AUH: variants seen among roughly 807,000 people sequenced by gnomAD.
AUH encodes the protein AU RNA binding methylglutaconyl-CoA hydratase.
AUH carries 29 observed loss-of-function variants against 42.3 expected under a neutral mutation model. The observed-to-expected ratio is 0.69, with a 90% confidence interval of 0.51 to 0.93. AUH has a LOEUF of 0.93. AUH is among the 40% of genes least tolerant of loss of function. The pLI, the probability that AUH is intolerant of heterozygous loss-of-function variation, is 0.00. For synonymous variants in AUH, 174 were observed against 166.4 expected, an observed-to-expected ratio of 1.05 and a Z score of -0.35; for missense variants, 452 against 438.1, an observed-to-expected ratio of 1.03 and a Z score of -0.28.
intron 8 of AUH, among the ~76,000 whole-genome samples, chr9:91,217,017 C>T (rs1466765368): frequency 6.6e-6 from 1 of 152,152 alleles, no homozygotes; most frequent in East Asian, 1.9e-4. Context: ...AACTGGATGG[C>T]AAGAATAATG....
intron 4 of AUH, among the ~76,000 whole-genome samples, chr9:91,317,469 G>C (rs1403288136): frequency 1.3e-5 from 2 of 152,122 alleles, no homozygotes; most frequent in East Asian, 3.8e-4. Context: ...TCTTTTGTCT[G>C]TTGTTGGTAT....
rs181271666 is a variant in AUH at position 91,231,093 on chromosome 9, C to T, written c.656-10101G>A. ...TGGGCTCTACCCAGTTCAAGCTTCC[C>T]GGCTGCTTTGTTTACCTAAGCAAGC... On this transcript the variant is annotated intron_variant, in intron 6 of 9. Coordinates refer to ENST00000375731, the MANE Select transcript of AUH (RefSeq NM_001698.3). Among the ~76,000 whole-genome samples the T allele has an allele frequency of 7.2e-3, 1,092 of 152,306 alleles. 45 individuals carry two copies. Among genetic ancestry groups the T allele is most frequent in the Admixed American group, 0.067 (1,018 of 15,294 alleles).
chr9:91,262,034 G>GA (rs60686656), intron 6 of AUH, among the ~76,000 whole-genome samples: 82 of 152,028 alleles, frequency 5.4e-4, no homozygotes, highest in African/African-American at 1.8e-3. Flanking sequence ...AAACCAATGG[G>GA]AAAAAAAGAT....
chr9:91,234,906 C>A (rs1828091631), intron 6 of AUH, among the ~76,000 whole-genome samples: 1 of 149,434 alleles, frequency 6.7e-6, no homozygotes, highest in South Asian at 2.2e-4. Flanking sequence ...AAAGGTGAGG[C>A]CAATGTCTGA....
At chr9:91,358,645 G>A (rs1350350609) in intron 1 of AUH, among the ~76,000 whole-genome samples, 1 of 152,166 alleles carries the variant, frequency 6.6e-6, no homozygotes, top group Non-Finnish European at 1.5e-5. Flanking sequence ...CATGCAGTAA[G>A]TATTAAAAGT....
At chr9:91,336,030 C>T (rs1198538147) in intron 3 of AUH, among the ~76,000 whole-genome samples, 1 of 152,110 alleles carries the variant, frequency 6.6e-6, no homozygotes, top group East Asian at 1.9e-4. Flanking sequence ...GGAAAAGTAA[C>T]CAACACTCTA....
intron 6 of AUH, among the ~76,000 whole-genome samples, chr9:91,258,656 A>G (rs1316095426): frequency 6.6e-6 from 1 of 152,240 alleles, no homozygotes; most frequent in Non-Finnish European, 1.5e-5. Flanking sequence ...AGAAAAGCAT[A>G]TAGTTTTTCA....
chr9:91,250,734 A>C (rs186744557), intron 6 of AUH, among the ~76,000 whole-genome samples: 140 of 152,330 alleles, frequency 9.2e-4, no homozygotes, highest in African/African-American at 3.1e-3. Context: ...CAGTAAACAG[A>C]AACTTCTAGT....
chr9:91,269,358 CACTT>C (rs758875217), intron 6 of AUH, among the ~76,000 whole-genome samples: 4 of 152,218 alleles, frequency 2.6e-5, no homozygotes, highest in African/African-American at 7.2e-5. Flanking sequence ...TTCACAGAAA[CACTT>C]ACGTGTCTGG....
chr9:91,268,448 A>G (rs1824827069), intron 6 of AUH, among the ~76,000 whole-genome samples: 1 of 151,660 alleles, frequency 6.6e-6, no homozygotes, highest in Admixed American at 6.6e-5. Context: ...TTTTTTTTTA[A>G]GAGACGGAGT....
intron 1 of AUH, among the ~76,000 whole-genome samples, chr9:91,358,675 G>A (rs1224665542): frequency 6.6e-6 from 1 of 152,178 alleles, no homozygotes; most frequent in Non-Finnish European, 1.5e-5. Context: ...ATTTCTGCTA[G>A]ATATGATAAT....
intron 4 of AUH, among the ~76,000 whole-genome samples, chr9:91,308,791 C>CT (rs201772761): frequency 0.069 from 9,437 of 136,358 alleles, 703 homozygotes; most frequent in African/African-American, 0.19. Flanking sequence ...TTAAGCAATT[C>CT]TTTTTTTTTT....
chr9:91,243,538 G>A (rs1333328289), intron 6 of AUH, among the ~76,000 whole-genome samples: 2 of 152,168 alleles, frequency 1.3e-5, no homozygotes. Context: ...CTTCCTCCTC[G>A]CTTTCTATTC....
chr9:91,219,519 CTTTT>C (rs1196998371), intron 7 of AUH, among the ~76,000 whole-genome samples: 1 of 152,176 alleles, frequency 6.6e-6, no homozygotes, highest in Non-Finnish European at 1.5e-5. Flanking sequence ...AGAATCTTAT[CTTTT>C]TAAGGCAAAA....
At chr9:91,252,590 C>T (rs1483164900) in intron 6 of AUH, among the ~76,000 whole-genome samples, 1 of 152,164 alleles carries the variant, frequency 6.6e-6, no homozygotes, top group African/African-American at 2.4e-5. Context: ...TCTTCACTGA[C>T]TCCCAACCCC....
At chr9:91,297,521 A>G (rs1210194364) in intron 5 of AUH, among the ~76,000 whole-genome samples, 1 of 151,878 alleles carries the variant, frequency 6.6e-6, no homozygotes, top group Admixed American at 6.6e-5. Context: ...CATTTCCCCC[A>G]TTTCCTCTAA....
Position 91,217,019 on chromosome 9 carries a change from A to AT in AUH, c.894+257_894+258insA, listed in dbSNP as rs767422486. Among the ~76,000 whole-genome samples, 38 of 152,374 alleles carry AT rather than the reference A, an allele frequency of 2.5e-4. No individual in the cohort carries two copies. The East Asian group carries it at 5.4e-3, about 22-fold the overall frequency. On this transcript the variant is annotated intron_variant, in intron 8 of 9. Transcript: ENST00000375731. ...AAATCTGTCTGTTAACTGGATGGCA[A>AT]GAATAATGAGCATGTCATAAGCTTC...
At chr9:91,287,232 ATTT>A (rs1404235376) in intron 6 of AUH, among the ~76,000 whole-genome samples, 2 of 152,154 alleles carry the variant, frequency 1.3e-5, no homozygotes, top group Admixed American at 1.3e-4. Flanking sequence ...AATAATCTTA[ATTT>A]ATTCATGAGG....
intron 8 of AUH, among the ~76,000 whole-genome samples, chr9:91,216,366 TA>T (rs1242273481): frequency 6.6e-6 from 1 of 152,070 alleles, no homozygotes; most frequent in African/African-American, 2.4e-5. Context: ...AACAAGGGGC[TA>T]ATTATAATGC....
Sources: gnomAD v4.1 joint callset for allele counts (sites outside exome capture counted in the v4.1 genomes callset) on GRCh38, gnomAD v4.1.1 for gene constraint, MANE v1.5 for transcripts, NCBI Gene and HGNC (gene_info 2026-07-23, HGNC 2026-07-21) for gene names.